Variants in ASTN2 observed in about 807,000 individuals in gnomAD.
ASTN2 encodes astrotactin 2.
ASTN2 carries 54 observed loss-of-function variants against 139.8 expected under a neutral mutation model. The observed-to-expected ratio is 0.39, with a 90% CI of 0.31 to 0.48. The LOEUF is 0.48. ASTN2 is among the 20% of genes least tolerant of loss of function. The pLI is 0.95. For missense variants in ASTN2, 1,565 were observed against 1,725.1 expected (o/e 0.91, Z 1.64); for synonymous variants, 756 against 719.5 (o/e 1.05, Z -0.81).
chr9:117,044,046 A>T (rs1234143486), intron 5 of ASTN2, among the ~76,000 whole-genome samples: 1 of 152,162 alleles, frequency 6.6e-6, no homozygotes, highest in Non-Finnish European at 1.5e-5. Flanking sequence ...GGGGTGTTGT[A>T]AGAACAAAAT....
At chr9:117,118,348 T>C (rs1829456159) in intron 4 of ASTN2, among the ~76,000 whole-genome samples, 1 of 152,042 alleles carries the variant, frequency 6.6e-6, no homozygotes. Context: ...ATGGTAGTCA[T>C]CACTGATCCC....
At chr9:117,040,631 G>A (rs2132649319) in intron 5 of ASTN2, among the ~76,000 whole-genome samples, 1 of 152,112 alleles carries the variant, frequency 6.6e-6, no homozygotes, top group South Asian at 2.1e-4. Flanking sequence ...GCTAATTTTT[G>A]TATTTTTAGT....
chr9:117,048,962 G>GTTTTTTTTTTTTTTTTT (rs1838828395), intron 5 of ASTN2, among the ~76,000 whole-genome samples: 2 of 50,320 alleles, frequency 4.0e-5, no homozygotes, highest in East Asian at 7.7e-4. Context: ...TTCATCCATT[G>GTTTTTTTTTTTTTTTTT]CTTTTTTTTT....
At chr9:117,274,299 A>C (rs1275591324) in intron 2 of ASTN2, among the ~76,000 whole-genome samples, 1 of 152,158 alleles carries the variant, frequency 6.6e-6, no homozygotes. Context: ...GCAGTGAGCC[A>C]AGATCGCACC....
chr9:117,414,260 G>A lies in ASTN2; in HGVS notation c.442+237C>T, dbSNP rs911148419. The stretch of plus-strand genomic sequence containing the variant: ...GTCGGGACTGAGAGGCAGAGGGGCA[G>A]GTTCCCACTGCGGGAGGGTTGGCAC... On this transcript the variant is annotated intron_variant, in intron 1 of 22. Transcript: ENST00000313400. The surrounding 1 kb of genome is among the most constrained non-coding windows in gnomAD (Gnocchi z 4.2). Among the ~76,000 whole-genome samples the A allele has an allele frequency of 3.9e-5, 6 of 152,160 alleles. No homozygotes were observed. The highest frequency in any genetic ancestry group is 1.2e-4 in the African/African-American group (5 of 41,466).
Position 117,291,494 on chromosome 9 carries a change from C to A in ASTN2, c.462G>T (p.Ala154=), listed in dbSNP as rs371959327. ...FFTLEMSGTA[A]DISLVHWRQQ... Reference sequence around the variant, plus strand: ...GTCTCCAGTGCACCAGCGAGATGTCCGCTGCTGTGCCAGACATCTCTGCAA... The same window carrying A: ...GTCTCCAGTGCACCAGCGAGATGTCAGCTGCTGTGCCAGACATCTCTGCAA... Residue 154 remains alanine, a synonymous_variant, in exon 2 of 23, where the codon GCG becomes GCT. Coordinates refer to ENST00000313400, the MANE Select transcript of ASTN2 (RefSeq NM_001365068.1). 44 of 1,608,546 alleles carry A rather than the reference C, an allele frequency of 2.7e-5. No homozygotes were observed. Among genetic ancestry groups the A allele is most frequent in the Middle Eastern group, 1.7e-4 (1 of 6,036 alleles).
At chr9:117,049,767 T>G (rs544963963) in intron 5 of ASTN2, among the ~76,000 whole-genome samples, 33 of 152,240 alleles carry the variant, frequency 2.2e-4, no homozygotes, top group African/African-American at 7.7e-4. Context: ...AGAGAATACA[T>G]GCAAGAATGA....
chr9:117,369,754 T>C (rs1829940580), intron 1 of ASTN2, among the ~76,000 whole-genome samples: 1 of 152,050 alleles, frequency 6.6e-6, no homozygotes, highest in Admixed American at 6.6e-5. Context: ...GTGAGTGAAG[T>C]CTTATAGGTT....
intron 2 of ASTN2, among the ~76,000 whole-genome samples, chr9:117,275,863 C>T (rs1166907208): frequency 6.6e-6 from 1 of 152,098 alleles, no homozygotes; most frequent in Non-Finnish European, 1.5e-5. Context: ...AGACACAAGT[C>T]CTGTTGGATT....
chr9:117,167,125 C>A (rs1258595791), intron 3 of ASTN2, among the ~76,000 whole-genome samples: 2 of 151,944 alleles, frequency 1.3e-5, no homozygotes, highest in Non-Finnish European at 2.9e-5. Context: ...AGGAAAAATA[C>A]CATCAATGGG....
Position 117,414,761 on chromosome 9 carries a change from C to G in ASTN2, c.178G>C (p.Asp60His). 1.6e-6 allele frequency: 2 copies of G among 1,265,308 alleles called. No individual in the cohort carries two copies. The highest frequency in any genetic ancestry group is 2.0e-6 in the Non-Finnish European group (2 of 1,003,680). 78.4% of individuals were successfully genotyped at this position (1,265,308 alleles called of 1,614,324 possible). ...GATAAASREP[D>H]SPCRLKTVTV... Reference sequence around the variant, plus strand: ...ACGGTCTTCAGCCGGCACGGGCTGTCGGGCTCCCGCGAGGCAGCGGCGGTG... The same window carrying G: ...ACGGTCTTCAGCCGGCACGGGCTGTGGGGCTCCCGCGAGGCAGCGGCGGTG... The change falls in exon 1 of 23, where the codon GAC becomes CAC. Residue 60 changes from aspartate to histidine, a missense_variant. Around this residue, in one of 4 missense-constraint regions of ASTN2, gnomAD observed 596 missense variants for 576.8 expected, o/e 1.03. Coordinates refer to ENST00000313400, the MANE Select transcript of ASTN2 (RefSeq NM_001365068.1). The surrounding 1 kb of genome is among the most constrained non-coding windows in gnomAD (Gnocchi z 4.2).
intron 19 of ASTN2, among the ~76,000 whole-genome samples, chr9:116,555,245 A>T (rs1210651861): frequency 6.6e-6 from 1 of 152,120 alleles, no homozygotes; most frequent in African/African-American, 2.4e-5. Flanking sequence ...CAAGAGGCTG[A>T]GGGCCTATGT....
At chr9:116,446,812 C>T (rs1282631450) in intron 20 of ASTN2, among the ~76,000 whole-genome samples, 2 of 152,156 alleles carry the variant, frequency 1.3e-5, no homozygotes, top group African/African-American at 4.8e-5. Context: ...TCTTGCATAC[C>T]TACAGTAATA....
chr9:117,037,607 A>G (rs1210866194), intron 6 of ASTN2, among the ~76,000 whole-genome samples: 1 of 152,212 alleles, frequency 6.6e-6, no homozygotes, highest in Non-Finnish European at 1.5e-5. Context: ...CATCTTGAGC[A>G]AGTTATTTTC....
chr9:117,237,641 C>T (rs765242498), intron 2 of ASTN2, among the ~76,000 whole-genome samples: 18 of 152,200 alleles, frequency 1.2e-4, no homozygotes, highest in Non-Finnish European at 2.4e-4. Context: ...CATCACGCCC[C>T]GCTAATTTTT....
chr9:116,605,169 CAAGAGTT>C (rs943480633), intron 19 of ASTN2, among the ~76,000 whole-genome samples: 8 of 151,962 alleles, frequency 5.3e-5, no homozygotes, highest in African/African-American at 1.9e-4. Context: ...GAAACAGAGA[CAAGAGTT>C]GAGAGTTGGC....
At chr9:117,128,365 C>T (rs1334092448) in intron 4 of ASTN2, among the ~76,000 whole-genome samples, 4 of 71,010 alleles carry the variant, frequency 5.6e-5, no homozygotes, top group Admixed American at 2.6e-4. Flanking sequence ...GAGTGAGACA[C>T]TGTCTCAAAA....
chr9:117,237,724 TC>T (rs781694904), intron 2 of ASTN2, among the ~76,000 whole-genome samples: 42 of 152,188 alleles, frequency 2.8e-4, no homozygotes, highest in Middle Eastern at 3.2e-3. Flanking sequence ...TGTGATCTGC[TC>T]ACCTTGGCCT....
At chr9:117,176,548 T>A (rs1830922397) in intron 3 of ASTN2, among the ~76,000 whole-genome samples, 1 of 152,140 alleles carries the variant, frequency 6.6e-6, no homozygotes, top group African/African-American at 2.4e-5. Flanking sequence ...AAGTACATTT[T>A]AGGAGTATTT....
Sources: allele counts gnomAD v4.1 joint callset (sites outside exome capture counted in the v4.1 genomes callset), GRCh38; gene constraint gnomAD v4.1.1; regional missense constraint gnomAD v4.1.1; non-coding constraint Gnocchi (gnomAD v3.1); transcripts MANE v1.5; gene names NCBI Gene and HGNC (gene_info 2026-07-23, HGNC 2026-07-21).